The following ATRNL1 variants were observed in gnomAD, a reference collection of about 807,000 sequenced individuals.
The protein encoded by ATRNL1 is attractin-like protein 1.
A neutral mutation model predicts 182.7 loss-of-function variants in ATRNL1; 95 were observed. The ratio of observed to expected loss-of-function variants is 0.52; its 90% CI spans 0.44 to 0.62. ATRNL1 has a LOEUF of 0.62. ATRNL1 is among the 20% of genes least tolerant of loss of function. The probability of loss-of-function intolerance (pLI) is 0.00; values close to 1 mark genes in which losing one functional copy is unlikely to be tolerated. For missense variants in ATRNL1, 1,471 were observed against 1,679.5 expected, an observed-to-expected ratio of 0.88 and a Z score of 2.17; for synonymous variants, 576 against 568.3, an observed-to-expected ratio of 1.01 and a Z score of -0.19.
chr10:115,930,661 A>T (rs1419288575), intron 28 of ATRNL1, among the ~76,000 whole-genome samples: 2 of 152,228 alleles, frequency 1.3e-5, no homozygotes, highest in Non-Finnish European at 2.9e-5. Flanking sequence ...ATTTTTAAAG[A>T]TAACATTTTT....
intron 26 of ATRNL1, among the ~76,000 whole-genome samples, chr10:115,550,253 T>G (rs1407747525): frequency 6.6e-6 from 1 of 151,860 alleles, no homozygotes; most frequent in East Asian, 1.9e-4. Context: ...ATCAGTATTC[T>G]TTTATTATAA....
intron 26 of ATRNL1, among the ~76,000 whole-genome samples, chr10:115,663,564 A>G (rs1555038783): frequency 6.8e-6 from 1 of 146,132 alleles, no homozygotes; most frequent in African/African-American, 2.4e-5. Context: ...AGTGAGTGAT[A>G]TCATCCAAAT....
chr10:115,506,090 T>A (rs1554981238), intron 24 of ATRNL1, among the ~76,000 whole-genome samples: 1 of 150,486 alleles, frequency 6.6e-6, no homozygotes, highest in South Asian at 2.1e-4. Context: ...TAGTTAAAAT[T>A]AAAAAAAAAA....
chr10:115,531,838 T>A (rs1385334839), intron 25 of ATRNL1, among the ~76,000 whole-genome samples: 14 of 144,408 alleles, frequency 9.7e-5, no homozygotes, highest in Middle Eastern at 3.5e-3. Context: ...GTTTCAGCAT[T>A]CTACGTATGG....
chr10:115,407,294 C>T (rs143505372), intron 20 of ATRNL1, among the ~76,000 whole-genome samples: 1,826 of 152,074 alleles, frequency 0.012, 15 homozygotes, highest in Non-Finnish European at 0.018. Context: ...AACTATAGTC[C>T]TCTTAAAGTA....
intron 3 of ATRNL1, among the ~76,000 whole-genome samples, chr10:115,124,777 A>G (rs1844892515): frequency 6.6e-6 from 1 of 152,178 alleles, no homozygotes; most frequent in African/African-American, 2.4e-5. Context: ...AGACACTCCC[A>G]TCACTCAGGA....
intron 26 of ATRNL1, among the ~76,000 whole-genome samples, chr10:115,668,403 A>AT (rs200524619): frequency 5.0e-4 from 76 of 152,170 alleles, no homozygotes; most frequent in African/African-American, 1.7e-3. Context: ...TATTCTATTA[A>AT]TTTTTTTGTA....
At chr10:115,779,350 C>A (rs1320767982) in intron 27 of ATRNL1, among the ~76,000 whole-genome samples, 4 of 152,196 alleles carry the variant, frequency 2.6e-5, no homozygotes, top group African/African-American at 9.7e-5. Context: ...TAGGACAGTG[C>A]TCTAGGTCAG....
chr10:115,648,757 A>T (rs1277080965), intron 26 of ATRNL1, among the ~76,000 whole-genome samples: 1 of 152,170 alleles, frequency 6.6e-6, no homozygotes, highest in African/African-American at 2.4e-5. Context: ...GTAGTTTATT[A>T]CTTTTGGTAT....
At chr10:115,627,535 T>G (rs1021894971) in intron 26 of ATRNL1, among the ~76,000 whole-genome samples, 1 of 152,042 alleles carries the variant, frequency 6.6e-6, no homozygotes, top group Admixed American at 6.5e-5. Context: ...TGGCTAATTT[T>G]TTGTATTTTT....
intron 1 of ATRNL1, among the ~76,000 whole-genome samples, chr10:115,114,859 C>A (rs1844412203): frequency 6.6e-6 from 1 of 151,848 alleles, no homozygotes; most frequent in Non-Finnish European, 1.5e-5. Context: ...AATAGAATCA[C>A]CATATGATCC....
At chr10:115,298,644 A>C (rs948741761) in intron 15 of ATRNL1, among the ~76,000 whole-genome samples, 3 of 152,138 alleles carry the variant, frequency 2.0e-5, no homozygotes, top group African/African-American at 7.2e-5. Flanking sequence ...TCAGAATAAT[A>C]TATGAAATAT....
At chr10:115,384,221 C>G (rs1314005600) in intron 19 of ATRNL1, among the ~76,000 whole-genome samples, 2 of 151,952 alleles carry the variant, frequency 1.3e-5, no homozygotes, top group African/African-American at 4.8e-5. Context: ...TGTATTTTAT[C>G]TTCATAGAAT....
At chr10:115,586,388 C>T (rs1269139988) in intron 26 of ATRNL1, among the ~76,000 whole-genome samples, 10 of 105,410 alleles carry the variant, frequency 9.5e-5, no homozygotes, top group African/African-American at 2.8e-4. Context: ...CTTTCAGGTA[C>T]ACCAATCAGA....
At chr10:115,866,332 A>G (rs1016461567) in intron 28 of ATRNL1, among the ~76,000 whole-genome samples, 1 of 152,192 alleles carries the variant, frequency 6.6e-6, no homozygotes, top group Non-Finnish European at 1.5e-5. Flanking sequence ...TAGAAAATAC[A>G]TTCAAGTAGT....
chr10:115,333,198 CAATT>C (rs1241201223), intron 18 of ATRNL1, among the ~76,000 whole-genome samples: 1 of 152,052 alleles, frequency 6.6e-6, no homozygotes, highest in Non-Finnish European at 1.5e-5. Flanking sequence ...ATGAGGGTGA[CAATT>C]AAGATGATTT....
rs566145462 is a variant in ATRNL1, at chr10:115,129,485, A to T, written c.779A>T (p.Tyr260Phe). The T allele has an allele frequency of 1.5e-4, 245 of 1,614,162 alleles. 1 individual carries two copies. The South Asian group carries it at 2.6e-3, about 17-fold the overall frequency. ...KANCGSPDHG[Y>F]CDLTGEKLCV... The stretch of plus-strand genomic sequence containing the variant: ...AATTGCGGCAGTCCAGATCACGGTT[A>T]CTGTGACCTGACTGGAGAAAAATTA... Residue 260 changes from tyrosine to phenylalanine, a missense_variant, in exon 5 of 29, where the codon TAC becomes TTC. By Grantham distance (22) the Tyr-to-Phe change is conservative (BLOSUM62 3). Transcript: ENST00000355044.
intron 21 of ATRNL1, among the ~76,000 whole-genome samples, chr10:115,431,132 C>T (rs2134412733): frequency 6.6e-6 from 1 of 152,204 alleles, no homozygotes; most frequent in East Asian, 1.9e-4. Context: ...TTCTGCCAGG[C>T]ACAGTGGCTC....
chr10:115,785,816 C>T (rs1555080312), intron 27 of ATRNL1, among the ~76,000 whole-genome samples: 1 of 152,136 alleles, frequency 6.6e-6, no homozygotes, highest in African/African-American at 2.4e-5. Context: ...GAAAGCAGGC[C>T]ACACTTCTCA....
Sources: gnomAD v4.1 joint callset for allele counts (sites outside exome capture counted in the v4.1 genomes callset) on GRCh38, gnomAD v4.1.1 for gene constraint, MANE v1.5 for transcripts, NCBI Gene and HGNC (gene_info 2026-07-23, HGNC 2026-07-21) for gene names.